The following TANC2 variants were observed in gnomAD, a reference collection of about 807,000 sequenced individuals.
The protein encoded by TANC2 is protein TANC2.
TANC2 carries 26 observed loss-of-function variants against 210.5 expected under a neutral mutation model. The ratio of observed to expected loss-of-function variants is 0.12; its 90% CI spans 0.09 to 0.17. The LOEUF (loss-of-function observed/expected upper bound fraction) is 0.17, where lower values mean the gene tolerates loss of function less well. Ranked by LOEUF, TANC2 falls within the 10% of genes least tolerant of loss-of-function variation. The pLI, the probability that TANC2 is intolerant of heterozygous loss-of-function variation, is 1.00. For synonymous variants in TANC2, 931 were observed against 967.1 expected (o/e 0.96, Z 0.69); for missense variants, 2,129 against 2,608.9 (o/e 0.82, Z 4.01).
At chr17:63,185,069 A>T (rs910566139) in intron 5 of TANC2, among the ~76,000 whole-genome samples, 1 of 150,980 alleles carries the variant, frequency 6.6e-6, no homozygotes, top group Non-Finnish European at 1.5e-5. Flanking sequence ...ATCATGTTTC[A>T]TTGCAACCTT....
intron 5 of TANC2, among the ~76,000 whole-genome samples, chr17:63,156,945 C>G (rs563980601): frequency 3.9e-5 from 6 of 152,318 alleles, no homozygotes; most frequent in African/African-American, 7.2e-5. Context: ...CCCACCTGGG[C>G]CTCCCTCAGC....
intron 3 of TANC2, among the ~76,000 whole-genome samples, chr17:63,086,713 G>C (rs2036979865): frequency 6.6e-6 from 1 of 152,102 alleles, no homozygotes. Flanking sequence ...GGACTTCCTG[G>C]GTCAAGTGGG....
At position 63,388,851 on chromosome 17, in the gene TANC2, A is replaced by G. The variant is rs908445713; in HGVS notation, c.2814+94A>G. Reference sequence around the variant, plus strand: ...TAAGTAGCTATTTAGTTGATCTTTGACTTGTCTTTCTTATTAGCCTTTTAT... The same window carrying G: ...TAAGTAGCTATTTAGTTGATCTTTGGCTTGTCTTTCTTATTAGCCTTTTAT... On this transcript the variant is annotated intron_variant, in intron 16 of 27. Coordinates refer to ENST00000689528, the Ensembl canonical transcript of TANC2. 2.6e-5 allele frequency: 25 copies of G among 957,490 alleles called. No homozygotes were observed. In the African/African-American group the frequency reaches 3.9e-4, roughly 15 times the overall value. 59.3% of individuals were successfully genotyped at this position (957,490 alleles called of 1,614,324 possible). A position where few individuals can be genotyped will look rare whatever the true frequency, so the allele number is the denominator to read the frequency against.
intron 6 of TANC2, among the ~76,000 whole-genome samples, chr17:63,200,355 C>CAA (rs10598629): frequency 2.7e-4 from 25 of 93,456 alleles, no homozygotes; most frequent in South Asian, 3.8e-4. Context: ...AACTCTGTCT[C>CAA]AAAAAAAAAA....
intron 14 of TANC2, among the ~76,000 whole-genome samples, chr17:63,365,905 T>C (rs541259433): frequency 2.0e-5 from 3 of 152,100 alleles, no homozygotes; most frequent in East Asian, 3.9e-4. Context: ...CTAACACTTA[T>C]CACAATTTAT....
At chr17:63,169,248 A>G (rs1424823695) in intron 5 of TANC2, among the ~76,000 whole-genome samples, 2 of 152,104 alleles carry the variant, frequency 1.3e-5, no homozygotes, top group Admixed American at 6.5e-5. Flanking sequence ...CACCTTTACT[A>G]TTTCCATTGC....
chr17:63,159,298 GTCTAGTTTCTATTGGAA>G (rs2039944402), intron 5 of TANC2, among the ~76,000 whole-genome samples: 2 of 152,106 alleles, frequency 1.3e-5, no homozygotes, highest in Non-Finnish European at 2.9e-5. Flanking sequence ...AAACTTAAGT[GTCTAGTTTCTATTGGAA>G]ACATAAGTAC....
chr17:63,006,916 G>A (rs1003218824), intron 1 of TANC2, among the ~76,000 whole-genome samples: 8 of 152,010 alleles, frequency 5.3e-5, no homozygotes, highest in South Asian at 2.1e-4. Context: ...TTCTTATTGG[G>A]TCCATTGATT....
intron 5 of TANC2, among the ~76,000 whole-genome samples, chr17:63,188,460 G>T (rs979630939): frequency 3.9e-5 from 6 of 151,968 alleles, no homozygotes. Context: ...GGGCATGGTG[G>T]TGGGCGCCTG....
At chr17:63,210,302 C>A (rs1446000969) in intron 7 of TANC2, among the ~76,000 whole-genome samples, 1 of 152,172 alleles carries the variant, frequency 6.6e-6, no homozygotes, top group African/African-American at 2.4e-5. Flanking sequence ...TCCACAATTT[C>A]TCTGTTTATT....
intron 27 of TANC2, 42 bp from the exon 28 acceptor site, chr17:63,419,957 T>C: frequency 6.7e-7 from 1 of 1,488,124 alleles, no homozygotes; most frequent in Non-Finnish European, 9.0e-7. Context: ...TTCTCTGGAT[T>C]CAGAATAACT....
intron 7 of TANC2, among the ~76,000 whole-genome samples, chr17:63,213,814 A>T (rs1008122309): frequency 1.3e-5 from 2 of 152,212 alleles, no homozygotes. Context: ...CTTAATAATG[A>T]CTTGAACATT....
At chr17:63,259,873 A>T (rs1447468160) in intron 8 of TANC2, among the ~76,000 whole-genome samples, 1 of 151,964 alleles carries the variant, frequency 6.6e-6, no homozygotes, top group Admixed American at 6.6e-5. Flanking sequence ...CCCTATAATT[A>T]TTTTTATTTT....
At chr17:63,047,010 T>C (rs1357220975) in intron 2 of TANC2, among the ~76,000 whole-genome samples, 1 of 152,160 alleles carries the variant, frequency 6.6e-6, no homozygotes, top group Non-Finnish European at 1.5e-5. Flanking sequence ...TGTCTCTCTA[T>C]ATAGGGAGTA....
At chr17:63,406,359 G>A in intron 21 of TANC2, 82 bp downstream of exon 21, 1 of 1,574,966 alleles carries the variant, frequency 6.3e-7, no homozygotes, top group South Asian at 1.1e-5. Context: ...TGGATCCCAG[G>A]AGATGCTAAG....
chr17:63,113,103 G>A (rs1400543091), intron 4 of TANC2, among the ~76,000 whole-genome samples: 1 of 152,088 alleles, frequency 6.6e-6, no homozygotes, highest in African/African-American at 2.4e-5. Flanking sequence ...CAGTCACAAA[G>A]CATCACAAAA....
rs570947560 is a variant in TANC2, at chr17:63,328,863, A to G, written c.1575+9773A>G. Among the ~76,000 whole-genome samples, 11 of 152,280 alleles carry G rather than the reference A, an allele frequency of 7.2e-5. No homozygotes were observed. In the South Asian group the frequency reaches 2.3e-3, roughly 32 times the overall value. ...GCTTGGTTTCATCATTCCACATTAT[A>G]TACATATATCAAAACATCACATTGT... On this transcript the variant is annotated intron_variant, in intron 11 of 27. Coordinates refer to ENST00000689528, the Ensembl canonical transcript of TANC2.
At chr17:63,026,268 A>G (rs1004354345) in intron 2 of TANC2, among the ~76,000 whole-genome samples, 2 of 152,100 alleles carry the variant, frequency 1.3e-5, no homozygotes, top group African/African-American at 4.8e-5. Context: ...TACAAGTTTC[A>G]TGTAAGTCCA....
chr17:63,237,822 A>T (rs1344818284), exon 8 of TANC2: 2 of 1,544,570 alleles, frequency 1.3e-6, no homozygotes, highest in Non-Finnish European at 1.7e-6. Flanking sequence ...AGCTACATTA[A>T]CAAGCTATTC....
Sources: gnomAD v4.1 joint callset for allele counts (sites outside exome capture counted in the v4.1 genomes callset) on GRCh38, gnomAD v4.1.1 for gene constraint, MANE v1.5 for transcripts, NCBI Gene and HGNC (gene_info 2026-07-23, HGNC 2026-07-21) for gene names.